TOX: variants seen among roughly 807,000 people sequenced by gnomAD.
TOX encodes the protein thymocyte selection associated high mobility group box, also known as thymocyte selection-associated high mobility group box protein TOX.
In TOX, 11 loss-of-function variants were observed where a neutral mutation model predicts 53.7. The observed-to-expected ratio is 0.20, with a 90% CI of 0.13 to 0.34. The LOEUF (loss-of-function observed/expected upper bound fraction) is 0.34. Ranked by LOEUF, TOX falls within the 10% of genes least tolerant of loss-of-function variation. The pLI, the probability that TOX is intolerant of heterozygous loss-of-function variation, is 1.00. For missense variants in TOX, 570 were observed against 664.6 expected (o/e 0.86, Z 1.56); for synonymous variants, 225 against 245.3 (o/e 0.92, Z 0.77).
chr8:58,902,769 C>T (rs17231390), intron 3 of TOX, among the ~76,000 whole-genome samples: 1 of 152,018 alleles, frequency 6.6e-6, no homozygotes, highest in African/African-American at 2.4e-5. Flanking sequence ...TTGTTCTTTG[C>T]TTCTTCCTCA....
chr8:59,045,964 G>A (rs571634882), intron 1 of TOX, among the ~76,000 whole-genome samples: 6 of 152,194 alleles, frequency 3.9e-5, no homozygotes, highest in Non-Finnish European at 7.3e-5. Context: ...CACTCAATGT[G>A]TTCTGGGCTA....
rs574347181 is a variant in TOX, at chr8:59,021,050, A to T, written c.103-61042T>A. Among the ~76,000 whole-genome samples the T allele has an allele frequency of 1.2e-4, 17 of 145,254 alleles. No homozygotes were observed. In the East Asian group the frequency reaches 3.3e-3, roughly 28 times the overall value. On this transcript the variant is annotated intron_variant, in intron 1 of 8. Coordinates refer to ENST00000361421, the MANE Select transcript of TOX (RefSeq NM_014729.3). ...GAATCATTTGGGAGTTTGAAGCTAC[A>T]GTCAGCTGTGATCATGCCACTGCAC... is the stretch of plus-strand genomic sequence containing the variant.
rs538203704 is a variant in TOX, at chr8:59,111,338, A to C, written c.102+7548T>G. 2.2e-4 allele frequency among the ~76,000 whole-genome samples: 33 copies of C among 152,298 alleles called. No individual in the cohort carries two copies. The South Asian group carries it at 6.8e-3, about 32-fold the overall frequency. On this transcript the variant is annotated intron_variant, in intron 1 of 8. Transcript: ENST00000361421. ...ATTAGGATATAACATGTCTGTTTAAAGCCCTAAGATTCTCAACAGCATCTT... is the reference window on the plus strand; with the variant it reads ...ATTAGGATATAACATGTCTGTTTAACGCCCTAAGATTCTCAACAGCATCTT...
At chr8:58,967,579 A>C (rs1812927916) in intron 1 of TOX, among the ~76,000 whole-genome samples, 1 of 152,132 alleles carries the variant, frequency 6.6e-6, no homozygotes, top group South Asian at 2.1e-4. Flanking sequence ...TAAGCTTTGC[A>C]CCTGGCTGGA....
Position 58,806,143 on chromosome 8 carries a change from C to T in TOX, c.*1604G>A, listed in dbSNP as rs753906586. On this transcript the variant is annotated 3_prime_UTR_variant, in exon 9 of 9. Coordinates refer to ENST00000361421, the MANE Select transcript of TOX (RefSeq NM_014729.3). ...TTCTCAAGCACTTTTGGTTCCCTAG[C>T]AAATCTCTGGTACCTTAAGAATCCT... 3.3e-5 allele frequency: 5 copies of T among 152,116 alleles called. No homozygotes were observed. Among genetic ancestry groups the T allele is most frequent in the Non-Finnish European group, 7.4e-5 (5 of 68,022 alleles). The allele number at this position is 152,116 out of a possible 1,614,324, so 9.4% of individuals were successfully genotyped here. A position where few individuals can be genotyped will look rare whatever the true frequency, so the allele number is the denominator to read the frequency against.
At chr8:58,925,121 G>A (rs1310975062) in intron 3 of TOX, among the ~76,000 whole-genome samples, 1 of 152,164 alleles carries the variant, frequency 6.6e-6, no homozygotes, top group Non-Finnish European at 1.5e-5. Flanking sequence ...GCAAGTTAGA[G>A]GAGAACTTAT....
intron 1 of TOX, among the ~76,000 whole-genome samples, chr8:59,009,285 C>T (rs1813853220): frequency 6.6e-6 from 1 of 151,534 alleles, no homozygotes; most frequent in South Asian, 2.1e-4. Flanking sequence ...GTATGCCCTC[C>T]TTGGCCCTTC....
intron 6 of TOX, among the ~76,000 whole-genome samples, chr8:58,816,346 A>G (rs1362199472): frequency 6.6e-6 from 1 of 152,252 alleles, no homozygotes; most frequent in East Asian, 1.9e-4. Context: ...ATTGTCCTCC[A>G]TAATGAAGTA....
chr8:59,066,214 A>T (rs1222881911), intron 1 of TOX, among the ~76,000 whole-genome samples: 3 of 152,230 alleles, frequency 2.0e-5, no homozygotes, highest in African/African-American at 7.2e-5. Context: ...CCATTCAGAA[A>T]AGGACTTACA....
intron 3 of TOX, among the ~76,000 whole-genome samples, chr8:58,870,293 C>T (rs935071302): frequency 6.6e-6 from 1 of 151,898 alleles, no homozygotes; most frequent in African/African-American, 2.4e-5. Context: ...TTAAAAATAC[C>T]ATTTACAACA....
At chr8:58,886,741 A>G (rs1811475069) in intron 3 of TOX, among the ~76,000 whole-genome samples, 1 of 152,056 alleles carries the variant, frequency 6.6e-6, no homozygotes, top group Admixed American at 6.6e-5. Context: ...CCAAGTACAC[A>G]ATAAAATCAT....
intron 1 of TOX, among the ~76,000 whole-genome samples, chr8:59,006,782 CA>C (rs1412945818): frequency 2.6e-5 from 4 of 152,102 alleles, no homozygotes; most frequent in African/African-American, 7.2e-5. Context: ...ACCATTTAAC[CA>C]ACATTTAGAA....
intron 3 of TOX, among the ~76,000 whole-genome samples, chr8:58,897,288 C>T (rs1403628036): frequency 6.6e-6 from 1 of 152,144 alleles, no homozygotes; most frequent in African/African-American, 2.4e-5. Context: ...ATTCAATGTA[C>T]CTGTCCTACA....
At chr8:58,944,150 C>G (rs761193673) in intron 2 of TOX, among the ~76,000 whole-genome samples, 2 of 152,176 alleles carry the variant, frequency 1.3e-5, no homozygotes, top group African/African-American at 4.8e-5. Flanking sequence ...TGCTGAGCTA[C>G]GCAACAGGAC....
At chr8:58,869,430 A>C (rs537364505) in intron 3 of TOX, among the ~76,000 whole-genome samples, 2 of 152,262 alleles carry the variant, frequency 1.3e-5, no homozygotes, top group East Asian at 1.9e-4. Context: ...AAAAATCACT[A>C]GTCCCAGAAA....
At chr8:59,023,669 T>C (rs1022570818) in intron 1 of TOX, among the ~76,000 whole-genome samples, 1 of 152,218 alleles carries the variant, frequency 6.6e-6, no homozygotes, top group East Asian at 1.9e-4. Flanking sequence ...CCCAACTTAT[T>C]TGCTGTGTGA....
At chr8:58,931,325 A>C (rs1015796142) in intron 3 of TOX, among the ~76,000 whole-genome samples, 5 of 150,212 alleles carry the variant, frequency 3.3e-5, no homozygotes, top group African/African-American at 1.3e-4. Context: ...TAAGATCATA[A>C]ATGTCAAAAA....
chr8:58,851,277 T>C lies in TOX; in HGVS notation c.693+247A>G, dbSNP rs1219105166. 1.3e-5 allele frequency among the ~76,000 whole-genome samples: 2 copies of C among 151,452 alleles called. No individual in the cohort carries two copies. The highest frequency in any genetic ancestry group is 2.9e-5 in the Non-Finnish European group (2 of 67,844). On this transcript the variant is annotated intron_variant, in intron 4 of 8. Coordinates refer to ENST00000361421, the MANE Select transcript of TOX (RefSeq NM_014729.3). The surrounding 1 kb of genome is among the most constrained non-coding windows in gnomAD (Gnocchi z 4.4). ...GTACATTGAATATACAGGCCCAACC[T>C]TCTGTGGGCACAAACAACTTTTACG...
intron 1 of TOX, among the ~76,000 whole-genome samples, chr8:59,002,992 C>G (rs1423524559): frequency 6.6e-6 from 1 of 152,122 alleles, no homozygotes; most frequent in African/African-American, 2.4e-5. Flanking sequence ...TATATTGAAA[C>G]CTGTGTTTCA....
Sources: gnomAD v4.1 joint callset for allele counts (sites outside exome capture counted in the v4.1 genomes callset) on GRCh38, gnomAD v4.1.1 for gene constraint, Gnocchi (gnomAD v3.1) non-coding constraint, MANE v1.5 for transcripts, NCBI Gene and HGNC (gene_info 2026-07-23, HGNC 2026-07-21) for gene names.